The following GZF1 variants were observed in gnomAD, a reference collection of about 807,000 sequenced individuals.
The protein encoded by GZF1 is GDNF-inducible zinc finger protein 1.
A neutral mutation model predicts 49.4 loss-of-function variants in GZF1; 28 were observed. The observed-to-expected ratio is 0.57, with a 90% CI of 0.42 to 0.78. The LOEUF (loss-of-function observed/expected upper bound fraction) is 0.78, where lower values mean the gene tolerates loss of function less well. Among genes scored for constraint, GZF1 ranks in the 30% least tolerant of loss-of-function variants. The probability of loss-of-function intolerance (pLI) is 0.00; values close to 1 mark genes in which losing one functional copy is unlikely to be tolerated. For synonymous variants in GZF1, 364 were observed against 356.0 expected, an observed-to-expected ratio of 1.02 and a Z score of -0.25; for missense variants, 798 against 916.2, an observed-to-expected ratio of 0.87 and a Z score of 1.67.
chr20:23,362,088 C>CA (rs1980718728), upstream of GZF1: 1 of 152,216 alleles, frequency 6.6e-6, no homozygotes, highest in Non-Finnish European at 1.5e-5. Context: ...TCAGCCCCGC[C>CA]AGGGGCGGGG....
At position 23,365,611 on chromosome 20, in the gene GZF1, G is replaced by A; in HGVS notation, c.1228G>A (p.Gly410Ser). The A allele has an allele frequency of 1.2e-6, 2 of 1,606,598 alleles. No individual in the cohort carries two copies. The highest frequency in any genetic ancestry group is 2.2e-5 in the South Asian group (2 of 90,990). ...GGGCGGCGGCGAGCGGCACCGCTGC[G>A]GCCAGTGCGGCAAGGGCCTGAGTTC... ...HEGGGERHRC[G>S]QCGKGLSSKT... Residue 410 changes from glycine to serine, a missense_variant, in exon 2 of 6, where the codon GGC becomes AGC. By Grantham distance (56) the Gly-to-Ser change is moderately conservative. Around this residue, in one of 3 missense-constraint regions of GZF1, gnomAD observed 446 missense variants for 540.1 expected, o/e 0.83. Transcript: ENST00000338121.
chr20:23,367,049 A>G lies in GZF1; in HGVS notation c.1411A>G (p.Arg471Gly). ...KPFVCDECGA[R>G]FTQNHMLIYH... ...TTTTGTCTGTGATGAATGTGGTGCAAGATTCACTCAGAACCACATGCTGAT... is the reference window on the plus strand; with the variant it reads ...TTTTGTCTGTGATGAATGTGGTGCAGGATTCACTCAGAACCACATGCTGAT... Residue 471 changes from arginine to glycine, a missense_variant, in exon 3 of 6, where the codon AGA (arginine) becomes GGA (glycine). By Grantham distance (125) the Arg-to-Gly change is moderately radical. Coordinates refer to ENST00000338121, the MANE Select transcript of GZF1 (RefSeq NM_022482.5). 1 of 1,613,412 alleles carries G rather than the reference A, an allele frequency of 6.2e-7. No individual in the cohort carries two copies. Among genetic ancestry groups the G allele is most frequent in the Non-Finnish European group, 8.5e-7 (1 of 1,179,738 alleles).
At position 23,365,654 on chromosome 20, in the gene GZF1, T is replaced by G. The variant is rs768462220; in HGVS notation, c.1271T>G (p.Leu424Arg). The stretch of plus-strand genomic sequence containing the variant: ...CTGAGTTCCAAGACAGCGCTGCGGC[T>G]GCACGAGCGCACACACACGGGAGAC... ...KGLSSKTALRLHERTHTGDRP... is the reference protein window; with the variant it reads ...KGLSSKTALRRHERTHTGDRP... The change falls in exon 2 of 6, where the codon CTG (leucine) becomes CGG (arginine). Residue 424 changes from leucine (L) to arginine (R), a missense_variant. By Grantham distance (102) the Leu-to-Arg change is moderately radical. This residue lies in a region of GZF1 where 446 missense variants were observed against 540.1 expected (regional missense o/e 0.83). Coordinates refer to ENST00000338121, the MANE Select transcript of GZF1 (RefSeq NM_022482.5). The G allele has an allele frequency of 1.2e-6, 2 of 1,601,120 alleles. No homozygotes were observed. Among genetic ancestry groups the G allele is most frequent in the Non-Finnish European group, 8.5e-7 (1 of 1,178,682 alleles).
intron 3 of GZF1, among the ~76,000 whole-genome samples, 167 bp from the exon 4 acceptor site, chr20:23,368,595 A>G (rs1487799674): frequency 6.6e-6 from 1 of 152,272 alleles, no homozygotes; most frequent in East Asian, 1.9e-4. Context: ...GTAAGTAGCA[A>G]GCATCTTACA....
At chr20:23,366,905 C>T in intron 2 of GZF1, 98 bp from the exon 3 acceptor site, 1 of 804,870 alleles carries the variant, frequency 1.2e-6, no homozygotes, top group Non-Finnish European at 2.1e-6. Context: ...CATTAGGTCT[C>T]TTGGAGTAAA....
intron 1 of GZF1, 115 bp from the exon 2 acceptor site, chr20:23,364,248 T>C: frequency 1.7e-6 from 1 of 575,530 alleles, no homozygotes; most frequent in South Asian, 2.7e-5. Flanking sequence ...TTTACCTGAG[T>C]AAAGCTAGGT....
At chr20:23,364,262 T>C in intron 1 of GZF1, 101 bp from the exon 2 acceptor site, 1 of 642,890 alleles carries the variant, frequency 1.6e-6, no homozygotes, top group Non-Finnish European at 2.6e-6. Context: ...GCTAGGTTGT[T>C]AATGAGTCTA....
At chr20:23,369,055 T>A in intron 4 of GZF1, 126 bp downstream of exon 4, 1 of 724,224 alleles carries the variant, frequency 1.4e-6, no homozygotes, top group Non-Finnish European at 2.2e-6. Flanking sequence ...ACTTTGTATG[T>A]CATAATAGCA....
In GZF1 at chr20:23,370,318, G is replaced by C; in HGVS notation, c.2013G>C (p.Lys671Asn). 1 of 1,614,132 alleles carries C rather than the reference G, an allele frequency of 6.2e-7. No individual in the cohort carries two copies. Among genetic ancestry groups the C allele is most frequent in the Non-Finnish European group, 8.5e-7 (1 of 1,179,990 alleles). Residue 671 changes from lysine to asparagine, a missense_variant, in exon 6 of 6, where the codon AAG becomes AAC. Physicochemically the swap from Lys to Asn is moderately conservative, Grantham distance 94. Transcript: ENST00000338121. ...QENSSADTAC[K>N]ADDSVVSQDT... is the part of the protein sequence containing the mutation. ...ACAGTTCTGCTGACACAGCCTGCAAGGCAGATGACTCCGTGGTGTCCCAGG... is the reference window on the plus strand; with the variant it reads ...ACAGTTCTGCTGACACAGCCTGCAACGCAGATGACTCCGTGGTGTCCCAGG...
chr20:23,371,786 T>C lies in GZF1; in HGVS notation c.*1345T>C, dbSNP rs1600545254. 6.6e-6 allele frequency: 1 copy of C among 152,348 alleles called. No homozygotes were observed. The highest frequency in any genetic ancestry group is 1.9e-4 in the East Asian group (1 of 5,188). 9.4% of individuals were successfully genotyped at this position (152,348 alleles called of 1,614,324 possible). A position where few individuals can be genotyped will look rare whatever the true frequency, so the allele number is the denominator to read the frequency against. On this transcript the variant is annotated 3_prime_UTR_variant, in exon 6 of 6. Coordinates refer to ENST00000338121, the MANE Select transcript of GZF1 (RefSeq NM_022482.5). ...CTTTTTTCTCTACATTTTTAATTTA[T>C]TAAACTTGCTGTGAAAACACTTTGA...
chr20:23,367,860 T>A (rs1312414731), intron 3 of GZF1, among the ~76,000 whole-genome samples: 1 of 152,240 alleles, frequency 6.6e-6, no homozygotes, highest in Non-Finnish European at 1.5e-5. Context: ...GTTCCAATTC[T>A]TCTCAGTTTC....
upstream of GZF1, chr20:23,362,181 C>G (rs572334390): frequency 1.3e-5 from 2 of 152,086 alleles, no homozygotes; most frequent in African/African-American, 2.4e-5. Context: ...CCGGGCCGGC[C>G]GTTCCTACCG....
At position 23,365,753 on chromosome 20, in the gene GZF1, C is replaced by T. The variant is rs1021432381; in HGVS notation, c.1364+6C>T. The T allele has an allele frequency of 3.9e-6, 6 of 1,522,456 alleles. No individual in the cohort carries two copies. Among genetic ancestry groups the T allele is most frequent in the Non-Finnish European group, 5.3e-6 (6 of 1,140,122 alleles). The allele number at this position is 1,522,456 out of a possible 1,614,324, so 94.3% of individuals were successfully genotyped here. ...GCGCTCAAGACGCACATGAGGTACG[C>T]GGGGAGCCGTCCGGAGGGGTCCCTG... On this transcript the variant is annotated splice_donor_region_variant and intron_variant, in intron 2 of 5. Coordinates refer to ENST00000338121, the MANE Select transcript of GZF1 (RefSeq NM_022482.5).
chr20:23,370,026 T>C (rs1981894727), intron 5 of GZF1, 65 bp from the exon 6 acceptor site: 1 of 1,362,456 alleles, frequency 7.3e-7, no homozygotes, highest in Admixed American at 1.8e-5. Flanking sequence ...GAGGGACTAT[T>C]GTTTTAAAAG....
chr20:23,369,973 G>A (rs921501499), intron 5 of GZF1, 118 bp from the exon 6 acceptor site: 2 of 948,588 alleles, frequency 2.1e-6, no homozygotes, highest in Non-Finnish European at 1.6e-6. Flanking sequence ...GAGGGTGGTG[G>A]CAGGCGGGTA....
rs1982230748 is a variant in GZF1, at chr20:23,373,027, A to T, written c.*2586A>T. The T allele has an allele frequency of 6.6e-6, 1 of 152,244 alleles. No homozygotes were observed. The highest frequency in any genetic ancestry group is 6.5e-5 in the Admixed American group (1 of 15,286). The allele number at this position is 152,244 out of a possible 1,614,324, so 9.4% of individuals were successfully genotyped here. ...TAATTTAATTTTTAACCTGTTAAAT[A>T]AACCTTGTCCCTCCAAGGAGTTCAT... On this transcript the variant is annotated 3_prime_UTR_variant, in exon 6 of 6. Transcript: ENST00000338121.
intron 2 of GZF1, among the ~76,000 whole-genome samples, chr20:23,366,012 C>T (rs1019023686): frequency 6.6e-6 from 1 of 152,242 alleles, no homozygotes; most frequent in Non-Finnish European, 1.5e-5. Flanking sequence ...CTCGCCCCAC[C>T]GTGCTGGAGG....
rs756987103 is a variant in GZF1, at chr20:23,364,556, A to G, written c.173A>G (p.Lys58Arg). The part of the protein sequence containing the change: ...AHKAVLAATS[K>R]FFKEVFLNEK... ...AAGGCAGTGCTGGCTGCCACCAGCA[A>G]GTTTTTTAAGGAAGTGTTCCTTAAT... Residue 58 changes from lysine (K) to arginine (R), a missense_variant, in exon 2 of 6, where the codon AAG (lysine) becomes AGG (arginine). Around this residue, in one of 3 missense-constraint regions of GZF1, gnomAD observed 105 missense variants for 147.5 expected, o/e 0.71. Coordinates refer to ENST00000338121, the MANE Select transcript of GZF1 (RefSeq NM_022482.5). The G allele has an allele frequency of 6.2e-7, 1 of 1,614,250 alleles. No homozygotes were observed. Among genetic ancestry groups the G allele is most frequent in the South Asian group, 1.1e-5 (1 of 91,084 alleles).
Position 23,371,857 on chromosome 20 carries a change from T to C in GZF1, c.*1416T>C, listed in dbSNP as rs1322565862. On this transcript the variant is annotated 3_prime_UTR_variant, in exon 6 of 6. Transcript: ENST00000338121. ...TTAAGTTCCAGAATGAACATGTAGC[T>C]GCACTATGCCAGAAATTAATGAGGG... is the stretch of plus-strand genomic sequence containing the variant. 2 of 152,274 alleles carry C rather than the reference T, an allele frequency of 1.3e-5. No homozygotes were observed. The highest frequency in any genetic ancestry group is 4.8e-5 in the African/African-American group (2 of 41,454). 9.4% of individuals were successfully genotyped at this position (152,274 alleles called of 1,614,324 possible).
Sources: allele counts gnomAD v4.1 joint callset (sites outside exome capture counted in the v4.1 genomes callset), GRCh38; gene constraint gnomAD v4.1.1; regional missense constraint gnomAD v4.1.1; transcripts MANE v1.5; gene names NCBI Gene and HGNC (gene_info 2026-07-23, HGNC 2026-07-21).